Variants in CLSTN1 observed in about 807,000 individuals in gnomAD.
CLSTN1 encodes the protein calsyntenin-1.
CLSTN1 carries 28 observed loss-of-function variants against 108.3 expected under a neutral mutation model. The observed-to-expected ratio is 0.26, with a 90% CI of 0.19 to 0.35. The LOEUF (loss-of-function observed/expected upper bound fraction) is 0.35. Among genes scored for constraint, CLSTN1 ranks in the 10% least tolerant of loss-of-function variants. The pLI is 1.00. For missense variants in CLSTN1, 1,157 were observed against 1,302.6 expected (o/e 0.89, Z 1.72); for synonymous variants, 524 against 534.9 (o/e 0.98, Z 0.28).
Position 9,734,256 on chromosome 1 carries a change from C to A in CLSTN1, c.2111-114G>T. The stretch of plus-strand genomic sequence containing the variant: ...AAACCTACATGGCTCTCGTAAGGAC[C>A]AACGACAGAAGCAAGCGAGAGTTGC... On this transcript the variant is annotated intron_variant, in intron 14 of 18. Transcript: ENST00000377298. The surrounding 1 kb of genome is among the most constrained non-coding windows in gnomAD (Gnocchi z 4.8). 1 of 1,020,838 alleles carries A rather than the reference C, an allele frequency of 9.8e-7. No homozygotes were observed. Among genetic ancestry groups the A allele is most frequent in the Non-Finnish European group, 1.5e-6 (1 of 689,150 alleles). 63.2% of individuals were successfully genotyped at this position (1,020,838 alleles called of 1,614,324 possible).
In CLSTN1 at chr1:9,730,134, G is replaced by C. The variant is rs1437440337; in HGVS notation, c.*374C>G. ...AGAAAAAAATGATTACCGGGTGGGA[G>C]TGAGCATGTTTTACCCTTTGTCAAC... On this transcript the variant is annotated 3_prime_UTR_variant, in exon 19 of 19. Transcript: ENST00000377298. The surrounding 1 kb of genome is among the most constrained non-coding windows in gnomAD (Gnocchi z 5.6). 1 of 292,686 alleles carries C rather than the reference G, an allele frequency of 3.4e-6. No individual in the cohort carries two copies. Among genetic ancestry groups the C allele is most frequent in the Non-Finnish European group, 6.5e-6 (1 of 154,444 alleles). 18.1% of individuals were successfully genotyped at this position (292,686 alleles called of 1,614,324 possible).
chr1:9,778,968 T>C (rs1443192022), intron 1 of CLSTN1, among the ~76,000 whole-genome samples: 1 of 147,612 alleles, frequency 6.8e-6, no homozygotes, highest in Non-Finnish European at 1.5e-5. Flanking sequence ...GGTTGCAGTG[T>C]GCCAAGACCG....
In CLSTN1 at chr1:9,744,008, G is replaced by A; in HGVS notation, c.1235-3C>T. On this transcript the variant is annotated splice_region_variant and splice_polypyrimidine_tract_variant and intron_variant, in intron 8 of 18. Coordinates refer to ENST00000377298, the MANE Select transcript of CLSTN1 (RefSeq NM_001009566.3). ...GGAGTAGTGGTGCCGATTCATATCTGCAAAGGCAGTTTCTATGGGTAAATT... is the reference window on the plus strand; with the variant it reads ...GGAGTAGTGGTGCCGATTCATATCTACAAAGGCAGTTTCTATGGGTAAATT... 1 of 1,612,448 alleles carries A rather than the reference G, an allele frequency of 6.2e-7. No homozygotes were observed. Among genetic ancestry groups the A allele is most frequent in the Non-Finnish European group, 8.5e-7 (1 of 1,179,132 alleles).
At chr1:9,818,777 CTTTTTTTTTTTTTTTTT>C (rs1156483241) in intron 1 of CLSTN1, among the ~76,000 whole-genome samples, 1 of 98,076 alleles carries the variant, frequency 1.0e-5, no homozygotes, top group Non-Finnish European at 2.0e-5. Flanking sequence ...TCAAGCAACT[CTTTTTTTTTTTTTTTTT>C]TTTTTTTTTT....
intron 1 of CLSTN1, among the ~76,000 whole-genome samples, chr1:9,798,084 C>T (rs1429535881): frequency 3.7e-5 from 5 of 135,738 alleles, no homozygotes; most frequent in Non-Finnish European, 6.1e-5. Context: ...ACAGAGGGAG[C>T]GAGACTCTGT....
At chr1:9,762,062 C>A (rs890526460) in intron 2 of CLSTN1, among the ~76,000 whole-genome samples, 2 of 152,166 alleles carry the variant, frequency 1.3e-5, no homozygotes, top group African/African-American at 4.8e-5. Flanking sequence ...ACTCACCATT[C>A]AAACTTCAGG....
At chr1:9,794,441 T>C (rs1292747740) in intron 1 of CLSTN1, among the ~76,000 whole-genome samples, 1 of 151,448 alleles carries the variant, frequency 6.6e-6, no homozygotes, top group Non-Finnish European at 1.5e-5. Context: ...CCCAAGTAGC[T>C]GAGATCACAG....
At chr1:9,810,987 A>G (rs1654732909) in intron 1 of CLSTN1, among the ~76,000 whole-genome samples, 1 of 152,188 alleles carries the variant, frequency 6.6e-6, no homozygotes, top group African/African-American at 2.4e-5. Context: ...CAATCTGTTC[A>G]GACCCACTGC....
intron 15 of CLSTN1, 49 bp from the exon 16 acceptor site, chr1:9,733,595 C>T: frequency 1.2e-6 from 2 of 1,607,978 alleles, no homozygotes; most frequent in Non-Finnish European, 8.5e-7. Context: ...AGGGCAGGAG[C>T]ATGGGCAGGG....
intron 4 of CLSTN1, 53 bp downstream of exon 4, chr1:9,755,061 C>T (rs976774482): frequency 5.3e-6 from 8 of 1,512,788 alleles, no homozygotes; most frequent in Non-Finnish European, 6.3e-6. Context: ...TTTCGTTCTG[C>T]GCACACACGT....
chr1:9,767,494 G>C (rs959318060), intron 2 of CLSTN1, among the ~76,000 whole-genome samples: 36 of 149,858 alleles, frequency 2.4e-4, no homozygotes, highest in Non-Finnish European at 5.0e-4. Context: ...GCAGTGAGCC[G>C]AGATAGCACC....
At chr1:9,765,788 C>A (rs1184542001) in intron 2 of CLSTN1, among the ~76,000 whole-genome samples, 1 of 151,886 alleles carries the variant, frequency 6.6e-6, no homozygotes, top group East Asian at 1.9e-4. Flanking sequence ...GAGGCTGAGG[C>A]AGGAGAATCG....
rs1224744181 is a variant in CLSTN1, at chr1:9,751,596, C to G, written c.526G>C (p.Gly176Arg). The G allele has an allele frequency of 1.2e-6, 2 of 1,614,068 alleles. No homozygotes were observed. The highest frequency in any genetic ancestry group is 1.7e-6 in the Non-Finnish European group (2 of 1,180,048). Reference protein sequence around the residue: ...EKSYKATVIEGKQYDSILRVE... With the variant: ...EKSYKATVIERKQYDSILRVE... Reference sequence around the variant, plus strand: ...CTCAAAATGCTGTCGTACTGCTTCCCCTCGATGACCGTGGCTTTGTAGGAC... The same window carrying G: ...CTCAAAATGCTGTCGTACTGCTTCCGCTCGATGACCGTGGCTTTGTAGGAC... The change falls in exon 5 of 19, where the codon GGG becomes CGG. Residue 176 changes from glycine to arginine, a missense_variant. Coordinates refer to ENST00000377298, the MANE Select transcript of CLSTN1 (RefSeq NM_001009566.3).
intron 1 of CLSTN1, among the ~76,000 whole-genome samples, chr1:9,774,523 G>A (rs1054289369): frequency 9.9e-5 from 15 of 151,046 alleles, no homozygotes; most frequent in East Asian, 9.8e-4. Flanking sequence ...CCAAGATCAC[G>A]CCACCGCACT....
intron 1 of CLSTN1, among the ~76,000 whole-genome samples, chr1:9,785,726 A>C (rs1358224567): frequency 6.6e-6 from 1 of 152,094 alleles, no homozygotes. Flanking sequence ...AATGATGTCT[A>C]CATGAAAATC....
At chr1:9,744,746 C>T in intron 7 of CLSTN1, 103 bp from the exon 8 acceptor site, 1 of 1,336,734 alleles carries the variant, frequency 7.5e-7, no homozygotes, top group Non-Finnish European at 9.9e-7. Flanking sequence ...AATCTGCTGG[C>T]TCCAGTTTAC....
At chr1:9,732,544 CT>C (rs1186141622) in intron 16 of CLSTN1, among the ~76,000 whole-genome samples, 1 of 152,218 alleles carries the variant, frequency 6.6e-6, no homozygotes, top group Non-Finnish European at 1.5e-5. Flanking sequence ...ATCTCTTACC[CT>C]TTGACTCAAA....
intron 9 of CLSTN1, among the ~76,000 whole-genome samples, chr1:9,743,229 G>C (rs1050633214): frequency 6.6e-6 from 1 of 152,134 alleles, no homozygotes; most frequent in Non-Finnish European, 1.5e-5. Flanking sequence ...GTAGCACGTG[G>C]GGTTTTTCAC....
chr1:9,786,377 C>T (rs1046568869), intron 1 of CLSTN1, among the ~76,000 whole-genome samples: 2 of 152,084 alleles, frequency 1.3e-5, no homozygotes, highest in African/African-American at 4.8e-5. Context: ...CGCGGTGGCT[C>T]ATGCCTGTAA....
Sources: allele counts gnomAD v4.1 joint callset (sites outside exome capture counted in the v4.1 genomes callset), GRCh38; gene constraint gnomAD v4.1.1; non-coding constraint Gnocchi (gnomAD v3.1); transcripts MANE v1.5; gene names NCBI Gene and HGNC (gene_info 2026-07-23, HGNC 2026-07-21).